Variants in SPG7 observed in about 807,000 individuals in gnomAD.
SPG7 encodes the protein mitochondrial inner membrane m-AAA protease component paraplegin.
A neutral mutation model predicts 81.9 loss-of-function variants in SPG7; 103 were observed. That is an observed-to-expected ratio of 1.26 (90% CI 1.07 to 1.48). The LOEUF (loss-of-function observed/expected upper bound fraction) is 1.48, where lower values mean the gene tolerates loss of function less well. SPG7 is among the 40% of genes most tolerant of loss of function. The pLI is 0.00. For synonymous variants in SPG7, 534 were observed against 444.2 expected (o/e 1.20, Z -2.54); for missense variants, 1,241 against 1,087.3 (o/e 1.14, Z -1.99).
chr16:89,536,937 T>G (rs1337893526), intron 9 of SPG7: 1 of 1,614,174 alleles, frequency 6.2e-7, no homozygotes, highest in Admixed American at 1.7e-5. Flanking sequence ...TTTGAGTGAC[T>G]TGAGCCCAAA....
In SPG7 at chr16:89,557,439, C is replaced by A. The variant is rs1597669412; in HGVS notation, c.*346C>A. ...GCAGAGCATTCAGACTCCAAACAGACCCCTGTTCATGCCGACGCTTGCACG... is the reference window on the plus strand; with the variant it reads ...GCAGAGCATTCAGACTCCAAACAGAACCCTGTTCATGCCGACGCTTGCACG... On this transcript the variant is annotated 3_prime_UTR_variant, in exon 17 of 17. Coordinates refer to ENST00000645818, the MANE Select transcript of SPG7 (RefSeq NM_003119.4). 1.5e-5 allele frequency: 5 copies of A among 340,502 alleles called. No homozygotes were observed. The highest frequency in any genetic ancestry group is 1.4e-4 in the East Asian group (2 of 14,084). The allele number at this position is 340,502 out of a possible 1,614,324, so 21.1% of individuals were successfully genotyped here. A position where few individuals can be genotyped will look rare whatever the true frequency, so the allele number is the denominator to read the frequency against.
In SPG7 at chr16:89,530,802, T is replaced by A; in HGVS notation, c.981T>A (p.Tyr327Ter). The change falls in exon 7 of 17, where the codon TAT becomes TAA. Residue 327 changes from tyrosine (Y) to a stop codon, truncating the protein, a stop_gained. Coordinates refer to ENST00000645818, the MANE Select transcript of SPG7 (RefSeq NM_003119.4). LOFTEE classifies it high-confidence loss of function. Reference sequence around the variant, plus strand: ...TGGAAGTCCGCGAGTTTGTGGATTATCTGAAGGTGAAAGCAGCGTGGGCCG... The same window carrying A: ...TGGAAGTCCGCGAGTTTGTGGATTAACTGAAGGTGAAAGCAGCGTGGGCCG... Reference protein sequence around the residue: ...AKLEVREFVDYLKSPERFLQL... With the variant: ...AKLEVREFVD 6.2e-7 allele frequency: 1 copy of A among 1,614,078 alleles called. No homozygotes were observed. The highest frequency in any genetic ancestry group is 8.5e-7 in the Non-Finnish European group (1 of 1,179,988).
At chr16:89,512,639 A>G (rs754208334) in intron 2 of SPG7, among the ~76,000 whole-genome samples, 1 of 152,218 alleles carries the variant, frequency 6.6e-6, no homozygotes. Context: ...GCAACTTCAT[A>G]TATTAAAGGG....
intron 9 of SPG7, chr16:89,532,895 C>G: frequency 8.2e-6 from 4 of 490,006 alleles, no homozygotes; most frequent in South Asian, 6.2e-5. Flanking sequence ...AGCAGCCTGG[C>G]CAACATGCTG....
At chr16:89,555,338 C>T (rs2152412669) in intron 16 of SPG7, 1 of 152,678 alleles carries the variant, frequency 6.5e-6, no homozygotes, top group South Asian at 2.1e-4. Flanking sequence ...GCCTCGGCCT[C>T]CCCAAGTGTT....
chr16:89,529,444 T>C (rs1319401786), intron 5 of SPG7, 33 bp from the exon 6 acceptor site: 1 of 1,458,092 alleles, frequency 6.9e-7, no homozygotes, highest in Admixed American at 1.7e-5. Context: ...TGACACCGTC[T>C]GAGCCTGTGC....
chr16:89,513,761 GT>G (rs11310954), intron 3 of SPG7, among the ~76,000 whole-genome samples: 151,526 of 152,258 alleles, frequency 1, 75,404 homozygotes, highest in Middle Eastern at 1. Flanking sequence ...AATCAGCGTT[GT>G]TAAGATGGAC....
intron 10 of SPG7, chr16:89,545,861 T>C (rs1179826813): frequency 2.4e-6 from 1 of 422,638 alleles, no homozygotes; most frequent in Non-Finnish European, 4.7e-6. Context: ...AATTTTTCTT[T>C]CAATTTTTAG....
intron 8 of SPG7, 130 bp from the exon 9 acceptor site, chr16:89,532,333 G>A (rs2058355603): frequency 1.7e-6 from 2 of 1,209,288 alleles, no homozygotes; most frequent in African/African-American, 1.5e-5. Flanking sequence ...GCTGCCGTGT[G>A]TCTGTTTGTA....
At chr16:89,510,370 C>T in intron 1 of SPG7, 120 bp from the exon 2 acceptor site, 1 of 681,028 alleles carries the variant, frequency 1.5e-6, no homozygotes, top group Non-Finnish European at 2.6e-6. Context: ...TATTTCAGGG[C>T]AATGTAGATA....
intron 9 of SPG7, chr16:89,539,292 G>C (rs976321535): frequency 2.6e-5 from 4 of 152,146 alleles, no homozygotes; most frequent in African/African-American, 9.7e-5. Flanking sequence ...CTGAGGTCAG[G>C]AGTTCAAGAC....
At chr16:89,556,789 A>T (rs576183215) in intron 16 of SPG7, 98 bp from the exon 17 acceptor site, 60 of 964,210 alleles carry the variant, frequency 6.2e-5, no homozygotes, top group Non-Finnish European at 9.7e-5. Context: ...GGTGTCCTGC[A>T]CACAGACAGG....
chr16:89,529,359 G>T, intron 5 of SPG7, 118 bp from the exon 6 acceptor site: 1 of 730,786 alleles, frequency 1.4e-6, no homozygotes, highest in South Asian at 1.5e-5. Flanking sequence ...ATCGGTCCCA[G>T]ACGTAGGGAT....
In SPG7 at chr16:89,526,344, T is replaced by G; in HGVS notation, c.634T>G (p.Tyr212Asp). 6.2e-7 allele frequency: 1 copy of G among 1,614,124 alleles called. No homozygotes were observed. The highest frequency in any genetic ancestry group is 8.5e-7 in the Non-Finnish European group (1 of 1,179,996). Residue 212 changes from tyrosine (Y) to aspartate (D), a missense_variant, in exon 5 of 17, where the codon TAC (tyrosine) becomes GAC (aspartate). Coordinates refer to ENST00000645818, the MANE Select transcript of SPG7 (RefSeq NM_003119.4). ...TGCCCCCCAGCGGCTAGCCTTGATG[T>G]ACCGAATGCAGGTTGCAAATATTGA... ...VFGRPRLALM[Y>D]RMQVANIDKF...
rs1360515266 is a variant in SPG7, at chr16:89,531,966, C to T, written c.1050C>T (p.Pro350=). The T allele has an allele frequency of 6.2e-6, 10 of 1,613,970 alleles. No homozygotes were observed. The highest frequency in any genetic ancestry group is 8.5e-6 in the Non-Finnish European group (10 of 1,179,850). The change falls in exon 8 of 17, where the codon CCC becomes CCT. Residue 350 remains proline, a synonymous_variant. Coordinates refer to ENST00000645818, the MANE Select transcript of SPG7 (RefSeq NM_003119.4). ...CAAAGGGCGCACTGCTGCTCGGCCC[C>T]CCCGGCTGTGGGAAGACGCTGCTGG... The part of the protein sequence containing the change: ...KVPKGALLLG[P]PGCGKTLLAK...
At chr16:89,509,609 C>T (rs539349157) in intron 1 of SPG7, among the ~76,000 whole-genome samples, 3 of 152,034 alleles carry the variant, frequency 2.0e-5, no homozygotes, top group African/African-American at 4.8e-5. Flanking sequence ...AAAGTATATA[C>T]TTGTTAACTG....
intron 16 of SPG7, chr16:89,555,966 C>G (rs1473348113): frequency 1.0e-5 from 4 of 398,726 alleles, no homozygotes; most frequent in Non-Finnish European, 1.8e-5. Context: ...CAGGTGTGGG[C>G]GGTGCCGTCC....
rs374615381 is a variant in SPG7, at chr16:89,556,691, A to G, written c.2182-196A>G. On this transcript the variant is annotated intron_variant, in intron 16 of 16. Coordinates refer to ENST00000645818, the MANE Select transcript of SPG7 (RefSeq NM_003119.4). Reference sequence around the variant, plus strand: ...AAAAATTAATGAGGCTGGCCGCCGGAAAATCATTTATGAGGTTGAGATGGG... The same window carrying G: ...AAAAATTAATGAGGCTGGCCGCCGGGAAATCATTTATGAGGTTGAGATGGG... The G allele has an allele frequency of 3.9e-4, 239 of 615,770 alleles. 1 individual carries two copies. Among genetic ancestry groups the G allele is most frequent in the African/African-American group, 3.7e-3 (199 of 54,378 alleles). The allele number at this position is 615,770 out of a possible 1,614,324, so 38.1% of individuals were successfully genotyped here.
chr16:89,544,511 A>T (rs1352180630), intron 9 of SPG7, 137 bp from the exon 10 acceptor site: 1 of 997,102 alleles, frequency 1.0e-6, no homozygotes, highest in Non-Finnish European at 1.6e-6. Flanking sequence ...CCTAGTTCAG[A>T]AGGACCGGGC....
Sources: gnomAD v4.1 joint callset for allele counts (sites outside exome capture counted in the v4.1 genomes callset) on GRCh38, gnomAD v4.1.1 for gene constraint, MANE v1.5 for transcripts, NCBI Gene and HGNC (gene_info 2026-07-23, HGNC 2026-07-21) for gene names.